CD8B2: variants seen among roughly 807,000 people sequenced by gnomAD.
The protein encoded by CD8B2 is CD8B family member 2, also known as T-cell surface glycoprotein CD8 beta-2 chain.
In CD8B2, 11 loss-of-function variants were observed where a neutral mutation model predicts 23.7. That is an observed-to-expected ratio of 0.46 (90% CI 0.29 to 0.77). CD8B2 has a LOEUF of 0.77. Ranked by LOEUF, CD8B2 falls within the 30% of genes least tolerant of loss-of-function variation. The probability of loss-of-function intolerance (pLI) is 0.09; values close to 1 mark genes in which losing one functional copy is unlikely to be tolerated. For synonymous variants in CD8B2, 90 were observed against 109.3 expected (o/e 0.82, Z 1.10); for missense variants, 197 against 270.5 (o/e 0.73, Z 1.91).
chr2:106,520,821 G>A (rs1679813337), intron 5 of CD8B2, among the ~76,000 whole-genome samples: 1 of 152,034 alleles, frequency 6.6e-6, no homozygotes, highest in South Asian at 2.1e-4. Context: ...AGTGAGCCGA[G>A]ATCATGCCAC....
chr2:106,502,407 A>C (rs1388514382), intron 3 of CD8B2, 67 bp from the exon 4 acceptor site: 2 of 940,134 alleles, frequency 2.1e-6, no homozygotes, highest in African/African-American at 3.5e-5. Flanking sequence ...CGCTCCTTGT[A>C]TTTTTCTGCG....
chr2:106,516,578 T>C (rs549164357), intron 5 of CD8B2, among the ~76,000 whole-genome samples: 29 of 152,328 alleles, frequency 1.9e-4, no homozygotes, highest in African/African-American at 6.5e-4. Context: ...AGTATAAATA[T>C]TGTCTTCCGG....
chr2:106,514,381 G>A (rs1325207367), downstream of CD8B2, among the ~76,000 whole-genome samples: 1 of 151,260 alleles, frequency 6.6e-6, no homozygotes, highest in African/African-American at 2.4e-5. Flanking sequence ...TCTGCCTCTC[G>A]GGTTCAAGCG....
At position 106,491,176 on chromosome 2, in the gene CD8B2, T is replaced by G; in HGVS notation, c.346T>G (p.Cys116Gly). Residue 116 changes from cysteine (C) to glycine (G), a missense_variant, in exon 2 of 6, where the codon TGC (cysteine) becomes GGC (glycine). Physicochemically the swap from Cys to Gly is radical, Grantham distance 159 (BLOSUM62 -3). Around this residue, in one of 3 missense-constraint regions of CD8B2, gnomAD observed 140 missense variants for 164.2 expected, o/e 0.85. Coordinates refer to ENST00000643224, the MANE Select transcript of CD8B2 (RefSeq NM_001349727.2). ...VKPEDSGIYF[C>G]MIVGSPELTF... The stretch of plus-strand genomic sequence containing the variant: ...GCCGGAGGACAGTGGCATCTACTTC[T>G]GCATGATCGTCGGGAGCCCCGAGCT... The G allele has an allele frequency of 6.2e-7, 1 of 1,613,792 alleles. No homozygotes were observed. Among genetic ancestry groups the G allele is most frequent in the Non-Finnish European group, 8.5e-7 (1 of 1,179,704 alleles).
At chr2:106,542,221 G>C (rs931979673) in intron 5 of CD8B2, among the ~76,000 whole-genome samples, 1 of 152,154 alleles carries the variant, frequency 6.6e-6, no homozygotes. Context: ...AGCATTTTGC[G>C]CATCCCTCTG....
At chr2:106,496,895 T>C (rs1451689684) in intron 3 of CD8B2, among the ~76,000 whole-genome samples, 1 of 152,222 alleles carries the variant, frequency 6.6e-6, no homozygotes, top group Admixed American at 6.5e-5. Flanking sequence ...TTGTACACTT[T>C]AAACAAGGGG....
In CD8B2 at chr2:106,506,935, A is replaced by C; in HGVS notation, c.628A>C (p.Lys210Gln). The change falls in exon 6 of 6, where the codon AAA (lysine) becomes CAA (glutamine). Residue 210 changes from lysine (K) to glutamine (Q), a missense_variant. Coordinates refer to ENST00000643224, the MANE Select transcript of CD8B2 (RefSeq NM_001349727.2). ...ACTTGCTGTTGTTTTCAGATTTTAC[A>C]AATGAGCAGAGAATACGGTTTTGGT... ...ARLRFMKQFY[K>Q] The C allele has an allele frequency of 6.3e-7, 1 of 1,599,008 alleles. No individual in the cohort carries two copies. The highest frequency in any genetic ancestry group is 1.1e-5 in the South Asian group (1 of 88,440).
chr2:106,531,504 T>C (rs1230331052), intron 5 of CD8B2, among the ~76,000 whole-genome samples: 3 of 152,214 alleles, frequency 2.0e-5, no homozygotes, highest in Non-Finnish European at 4.4e-5. Context: ...TACTATTTCT[T>C]GCTCTAAGGG....
downstream of CD8B2, among the ~76,000 whole-genome samples, chr2:106,512,886 G>A (rs1471156192): frequency 6.6e-6 from 1 of 152,168 alleles, no homozygotes; most frequent in Non-Finnish European, 1.5e-5. Flanking sequence ...CTTGCTTACA[G>A]CCTCTAGGCC....
At chr2:106,488,907 G>A (rs370226413) in intron 1 of CD8B2, among the ~76,000 whole-genome samples, 1 of 152,134 alleles carries the variant, frequency 6.6e-6, no homozygotes, top group African/African-American at 2.4e-5. Context: ...CTGCTGGAAC[G>A]GCAGTGTGGT....
chr2:106,508,460 G>C lies in CD8B2; in HGVS notation c.*1520G>C, dbSNP rs1679557400. On this transcript the variant is annotated 3_prime_UTR_variant, in exon 6 of 6. Transcript: ENST00000643224. Reference sequence around the variant, plus strand: ...GTGGAGTTAGAAAGGCATAGATGCAGTGTTACCGGAAGGAGGGCCTTGAGT... The same window carrying C: ...GTGGAGTTAGAAAGGCATAGATGCACTGTTACCGGAAGGAGGGCCTTGAGT... The C allele has an allele frequency of 6.6e-6, 1 of 152,270 alleles. No individual in the cohort carries two copies. Among genetic ancestry groups the C allele is most frequent in the Non-Finnish European group, 1.5e-5 (1 of 68,004 alleles). 9.4% of individuals were successfully genotyped at this position (152,270 alleles called of 1,614,324 possible).
rs531890338 is a variant in CD8B2, at chr2:106,532,723, C to CAT, written c.621-11268_621-11267insTA. ...CCATGGCATCTGTAAACTATCATGG[C>CAT]ACTCGTGGTAGTGTAGCAGTGAGGT... On this transcript the variant is annotated intron_variant, in intron 5 of 5. Coordinates refer to the CD8B2 transcript ENST00000416057. 2.0e-3 allele frequency among the ~76,000 whole-genome samples: 307 copies of CAT among 152,314 alleles called. 1 individual carries two copies. Among genetic ancestry groups the CAT allele is most frequent in the Non-Finnish European group, 3.5e-3 (239 of 68,026 alleles).
At chr2:106,540,382 G>A (rs1172143164) in intron 5 of CD8B2, among the ~76,000 whole-genome samples, 2 of 152,060 alleles carry the variant, frequency 1.3e-5, no homozygotes, top group Non-Finnish European at 1.5e-5. Context: ...CACCAAAGGC[G>A]CATTAATGTC....
chr2:106,524,778 G>C (rs914741136), intron 5 of CD8B2, among the ~76,000 whole-genome samples: 1 of 152,150 alleles, frequency 6.6e-6, no homozygotes. Context: ...ATTTTTGCCA[G>C]TGCAAACTGT....
intron 4 of CD8B2, 30 bp from the exon 5 acceptor site, chr2:106,504,259 C>T (rs1679463330): frequency 1.3e-6 from 2 of 1,555,050 alleles, no homozygotes; most frequent in South Asian, 2.4e-5. Flanking sequence ...ACAGCCCACA[C>T]TGACTGGCGC....
At chr2:106,520,172 A>T (rs1679802050) in intron 5 of CD8B2, among the ~76,000 whole-genome samples, 1 of 152,188 alleles carries the variant, frequency 6.6e-6, no homozygotes, top group African/African-American at 2.4e-5. Flanking sequence ...TTCATTTTAT[A>T]GTTCTATATT....
At position 106,507,084 on chromosome 2, in the gene CD8B2, C is replaced by A; in HGVS notation, c.*144C>A. 6.6e-7 allele frequency: 1 copy of A among 1,514,360 alleles called. No homozygotes were observed. The highest frequency in any genetic ancestry group is 8.8e-7 in the Non-Finnish European group (1 of 1,132,364). 93.8% of individuals were successfully genotyped at this position (1,514,360 alleles called of 1,614,324 possible). ...TGCCTGCTTTTCACTGCTGCAAGGCCTTTCTGTGTGTGACGTGCATGGGAG... is the reference window on the plus strand; with the variant it reads ...TGCCTGCTTTTCACTGCTGCAAGGCATTTCTGTGTGTGACGTGCATGGGAG... On this transcript the variant is annotated 3_prime_UTR_variant, in exon 6 of 6. Coordinates refer to ENST00000643224, the MANE Select transcript of CD8B2 (RefSeq NM_001349727.2).
chr2:106,494,128 C>G (rs759473537), intron 2 of CD8B2, among the ~76,000 whole-genome samples: 1 of 151,598 alleles, frequency 6.6e-6, no homozygotes, highest in East Asian at 1.9e-4. Context: ...GCTTCCCCTG[C>G]CTGTTCCCCC....
At chr2:106,492,320 TA>T (rs1387108367) in intron 2 of CD8B2, among the ~76,000 whole-genome samples, 1 of 152,168 alleles carries the variant, frequency 6.6e-6, no homozygotes, top group African/African-American at 2.4e-5. Flanking sequence ...AAGTCATGTT[TA>T]AAAAAGCAAA....
Sources: gnomAD v4.1 joint callset for allele counts (sites outside exome capture counted in the v4.1 genomes callset) on GRCh38, gnomAD v4.1.1 for gene constraint, gnomAD v4.1.1 regional missense constraint, MANE v1.5 for transcripts, NCBI Gene and HGNC (gene_info 2026-07-23, HGNC 2026-07-21) for gene names.